The following BRSK1 variants were observed in gnomAD, a reference collection of about 807,000 sequenced individuals.
The protein encoded by BRSK1 is serine/threonine-protein kinase BRSK1.
BRSK1 carries 17 observed loss-of-function variants against 86.2 expected under a neutral mutation model. The ratio of observed to expected loss-of-function variants is 0.20; its 90% CI spans 0.14 to 0.30. The LOEUF (loss-of-function observed/expected upper bound fraction) is 0.30. Among genes scored for constraint, BRSK1 ranks in the 10% least tolerant of loss-of-function variants. The pLI, the probability that BRSK1 is intolerant of heterozygous loss-of-function variation, is 1.00. For synonymous variants in BRSK1, 464 were observed against 440.1 expected, an observed-to-expected ratio of 1.05 and a Z score of -0.68; for missense variants, 719 against 1,071.9, an observed-to-expected ratio of 0.67 and a Z score of 4.60.
chr19:55,288,306 T>A (rs2088351114), intron 3 of BRSK1, among the ~76,000 whole-genome samples: 1 of 151,662 alleles, frequency 6.6e-6, no homozygotes, highest in Non-Finnish European at 1.5e-5. Flanking sequence ...CAAAACCCCG[T>A]CTCTACAAAA....
At position 55,292,571 on chromosome 19, in the gene BRSK1, C is replaced by T. The variant is rs536483304; in HGVS notation, c.459-1446C>T. Among the ~76,000 whole-genome samples the T allele has an allele frequency of 3.3e-5, 5 of 151,618 alleles. No homozygotes were observed. The South Asian group carries it at 8.4e-4, about 25-fold the overall frequency. The stretch of plus-strand genomic sequence containing the variant: ...TTTCCAGGCCGGGCGCGGTGGCTCA[C>T]GCCTGTAATCCCAGCATTTTGGGAG... On this transcript the variant is annotated intron_variant, in intron 4 of 18. Transcript: ENST00000309383.
At chr19:55,297,221 C>T (rs562790304) in intron 7 of BRSK1, among the ~76,000 whole-genome samples, 1 of 151,894 alleles carries the variant, frequency 6.6e-6, no homozygotes, top group Admixed American at 6.6e-5. Context: ...GGACTACAGG[C>T]ATGTGCCACC....
Position 55,304,716 on chromosome 19 carries a change from C to CCCCCAGGCT in BRSK1, c.1518_1526dup (p.Gly507_Pro509dup). 1 of 1,502,360 alleles carries CCCCCAGGCT rather than the reference C, an allele frequency of 6.7e-7. No homozygotes were observed. The highest frequency in any genetic ancestry group is 2.5e-5 in the East Asian group (1 of 40,056). 93.1% of individuals were successfully genotyped at this position (1,502,360 alleles called of 1,614,324 possible). A position where few individuals can be genotyped will look rare whatever the true frequency, so the allele number is the denominator to read the frequency against. On this transcript the variant is annotated inframe_insertion, in exon 14 of 19. Transcript: ENST00000309383. The surrounding 1 kb of genome is among the most constrained non-coding windows in gnomAD (Gnocchi z 5.2). ...TGCCCGCTCCACACCCCTGCCCGGCCCCCCAGGCTCCCCGCGCTCCTCTGG... is the reference window on the plus strand; with the variant it reads ...TGCCCGCTCCACACCCCTGCCCGGCCCCCCAGGCTCCCCAGGCTCCCCGCGCTCCTCTGG...
At chr19:55,305,241 G>C (rs2088631656) in intron 14 of BRSK1, 80 bp from the exon 15 acceptor site, 1 of 1,555,562 alleles carries the variant, frequency 6.4e-7, no homozygotes, top group African/African-American at 1.4e-5. Context: ...AACCCTGGGA[G>C]GGGGCGAGTG....
At chr19:55,309,210 C>A (rs368178952) in intron 18 of BRSK1, among the ~76,000 whole-genome samples, 15 of 152,208 alleles carry the variant, frequency 9.9e-5, no homozygotes, top group Admixed American at 5.9e-4. Context: ...CTTTGCAGGT[C>A]TCACAAGTCA....
rs767100726 is a variant in BRSK1, at chr19:55,294,318, T to A, written c.610-11T>A. On this transcript the variant is annotated splice_polypyrimidine_tract_variant and intron_variant, in intron 6 of 18. Coordinates refer to ENST00000309383, the MANE Select transcript of BRSK1 (RefSeq NM_032430.2). This position sits in a 1 kb window ranked among gnomAD's most constrained non-coding sequence, Gnocchi z 4.9. ...AGGAGCGATGAAGTCACAACTGGCC[T>A]TCCCTTCCAGGGGGAAAAATATGAT... The A allele has an allele frequency of 6.2e-7, 1 of 1,614,004 alleles. No homozygotes were observed. Among genetic ancestry groups the A allele is most frequent in the Non-Finnish European group, 8.5e-7 (1 of 1,180,034 alleles).
chr19:55,305,025 G>A, intron 14 of BRSK1, 105 bp downstream of exon 14: 2 of 1,505,332 alleles, frequency 1.3e-6, no homozygotes, highest in Non-Finnish European at 1.8e-6. Flanking sequence ...AGGGACTGGG[G>A]GCCTGGATTC....
In BRSK1 at chr19:55,304,777, G is replaced by A. The variant is rs1440507698; in HGVS notation, c.1574G>A (p.Arg525Gln). 6 of 1,554,494 alleles carry A rather than the reference G, an allele frequency of 3.9e-6. No homozygotes were observed. Among genetic ancestry groups the A allele is most frequent in the Non-Finnish European group, 5.2e-6 (6 of 1,154,916 alleles). ...TTGCACTCGCCTCTGCACACGCCCCGGGCCAGTCCCACCGGGACCCCGGGG... is the reference window on the plus strand; with the variant it reads ...TTGCACTCGCCTCTGCACACGCCCCAGGCCAGTCCCACCGGGACCCCGGGG... ...TPLHSPLHTP[R>Q]ASPTGTPGTT... The change falls in exon 14 of 19, where the codon CGG (arginine) becomes CAG (glutamine). Residue 525 changes from arginine to glutamine, a missense_variant. Arg to Gln is a conservative substitution (Grantham distance 43). Transcript: ENST00000309383. The surrounding 1 kb of genome is among the most constrained non-coding windows in gnomAD (Gnocchi z 5.2).
intron 4 of BRSK1, among the ~76,000 whole-genome samples, 184 bp from the exon 5 acceptor site, chr19:55,293,833 A>G (rs1056276531): frequency 6.6e-6 from 1 of 152,174 alleles, no homozygotes; most frequent in Admixed American, 6.5e-5. Flanking sequence ...ATAAATACAT[A>G]CATACATATG....
Position 55,289,627 on chromosome 19 carries a change from G to A in BRSK1, c.458+7G>A. 1 of 1,613,304 alleles carries A rather than the reference G, an allele frequency of 6.2e-7. No individual in the cohort carries two copies. Among genetic ancestry groups the A allele is most frequent in the South Asian group, 1.1e-5 (1 of 91,028 alleles). ...GCCACAGCTACTCCATCTGGTGAGT[G>A]GGCAGCTTGAGGGGGAGGAGGGGCT... On this transcript the variant is annotated splice_region_variant and intron_variant, in intron 4 of 18. Transcript: ENST00000309383.
intron 4 of BRSK1, 131 bp downstream of exon 4, chr19:55,289,751 A>C: frequency 6.7e-6 from 8 of 1,194,726 alleles, no homozygotes; most frequent in Non-Finnish European, 8.0e-6. Flanking sequence ...GACATAACTC[A>C]TACACCAGAA....
chr19:55,308,536 G>C (rs557867793), intron 17 of BRSK1, 103 bp from the exon 18 acceptor site: 14 of 789,114 alleles, frequency 1.8e-5, no homozygotes, highest in South Asian at 5.4e-5. Flanking sequence ...AGATGCAGGG[G>C]GGGTGTTGTG....
intron 17 of BRSK1, among the ~76,000 whole-genome samples, chr19:55,307,149 A>G (rs1263896344): frequency 2.0e-5 from 3 of 152,188 alleles, no homozygotes; most frequent in Admixed American, 6.5e-5. Context: ...CAATATTAAT[A>G]TGTCACAGGT....
Position 55,304,038 on chromosome 19 carries a change from T to C in BRSK1, c.1287-12T>C. ...ATCTGATTTTTTTTTTTTAAATCTATCCTGGAAACAGATCCCGTAGCGTCA... is the reference window on the plus strand; with the variant it reads ...ATCTGATTTTTTTTTTTTAAATCTACCCTGGAAACAGATCCCGTAGCGTCA... On this transcript the variant is annotated splice_polypyrimidine_tract_variant and intron_variant, in intron 12 of 18. Transcript: ENST00000309383. The surrounding 1 kb of genome is among the most constrained non-coding windows in gnomAD (Gnocchi z 5.2). 1 of 1,600,868 alleles carries C rather than the reference T, an allele frequency of 6.2e-7. No individual in the cohort carries two copies. The highest frequency in any genetic ancestry group is 1.1e-5 in the South Asian group (1 of 88,582).
rs560515307 is a variant in BRSK1 at position 55,305,603 on chromosome 19, C to A, written c.1890+17C>A. The A allele has an allele frequency of 5.4e-5, 87 of 1,613,724 alleles. No individual in the cohort carries two copies. The African/African-American group carries it at 8.3e-4, about 15-fold the overall frequency. On this transcript the variant is annotated intron_variant, in intron 16 of 18. Coordinates refer to ENST00000309383, the MANE Select transcript of BRSK1 (RefSeq NM_032430.2). ...TTTCTGTCGGTGAGGGGCCTGGGTCCCCATCGAGCCTGGCCCCCGCAGAAC... is the reference window on the plus strand; with the variant it reads ...TTTCTGTCGGTGAGGGGCCTGGGTCACCATCGAGCCTGGCCCCCGCAGAAC...
chr19:55,302,236 C>T lies in BRSK1; in HGVS notation c.857+68C>T. The stretch of plus-strand genomic sequence containing the variant: ...AGGGGAGGGGCCAAAGCAGTAGAAG[C>T]GGCTGGGAGGGGTGGGATGCCAGGG... On this transcript the variant is annotated intron_variant, in intron 9 of 18. Coordinates refer to ENST00000309383, the MANE Select transcript of BRSK1 (RefSeq NM_032430.2). This position sits in a 1 kb window ranked among gnomAD's most constrained non-coding sequence, Gnocchi z 6.3. 1 of 1,574,766 alleles carries T rather than the reference C, an allele frequency of 6.4e-7. No individual in the cohort carries two copies. Among genetic ancestry groups the T allele is most frequent in the Non-Finnish European group, 8.7e-7 (1 of 1,144,564 alleles).
chr19:55,286,642 G>A (rs1308876264), intron 1 of BRSK1, among the ~76,000 whole-genome samples: 1 of 144,432 alleles, frequency 6.9e-6, no homozygotes, highest in African/African-American at 2.5e-5. Flanking sequence ...GATGGAGAGA[G>A]ACAGAGAAAG....
intron 4 of BRSK1, among the ~76,000 whole-genome samples, chr19:55,291,713 G>C (rs1264002158): frequency 6.6e-6 from 1 of 152,072 alleles, no homozygotes; most frequent in Non-Finnish European, 1.5e-5. Context: ...CTCAGACTTT[G>C]GGTAAAGCTT....
chr19:55,293,838 C>CAT (rs1237738520), intron 4 of BRSK1, among the ~76,000 whole-genome samples, 179 bp from the exon 5 acceptor site: 1 of 151,952 alleles, frequency 6.6e-6, no homozygotes, highest in African/African-American at 2.4e-5. Context: ...TACATACATA[C>CAT]ATATGATAAA....
Sources: allele counts gnomAD v4.1 joint callset (sites outside exome capture counted in the v4.1 genomes callset), GRCh38; gene constraint gnomAD v4.1.1; non-coding constraint Gnocchi (gnomAD v3.1); transcripts MANE v1.5; gene names NCBI Gene and HGNC (gene_info 2026-07-23, HGNC 2026-07-21).